The following GHRL variants were observed in gnomAD, a reference collection of about 807,000 sequenced individuals.
The protein encoded by GHRL is appetite-regulating hormone.
GHRL carries 24 observed loss-of-function variants against 16.9 expected under a neutral mutation model. That is an observed-to-expected ratio of 1.42 (90% CI 1.03 to 2.00). GHRL has a LOEUF of 2.00. GHRL is among the 30% of genes most tolerant of loss of function. GHRL has a pLI of 0.00. For synonymous variants in GHRL, 63 were observed against 58.2 expected, an observed-to-expected ratio of 1.08 and a Z score of -0.37; for missense variants, 193 against 142.1, an observed-to-expected ratio of 1.36 and a Z score of -1.82.
rs1341694656 is a variant in GHRL, at chr3:10,285,914, G to T, written c.335-20C>A. The T allele has an allele frequency of 1.2e-6, 2 of 1,610,954 alleles. No individual in the cohort carries two copies. Among genetic ancestry groups the T allele is most frequent in the African/African-American group, 2.7e-5 (2 of 74,872 alleles). On this transcript the variant is annotated intron_variant, in intron 5 of 5. Transcript: ENST00000335542. ...GGGCCTCTGGAAAGCAAGAGGTTGA[G>T]TAAGAATGCTGGGTGCACCGTCCTG...
chr3:10,291,221 T>C lies in GHRL; in HGVS notation c.-535A>G. 1.0e-6 allele frequency: 1 copy of C among 985,544 alleles called. No individual in the cohort carries two copies. The highest frequency in any genetic ancestry group is 1.2e-6 in the Non-Finnish European group (1 of 830,002). The allele number at this position is 985,544 out of a possible 1,614,324, so 61.0% of individuals were successfully genotyped here. The stretch of plus-strand genomic sequence containing the variant: ...GAGCCAGGCTGGTGATTCTACACCT[T>C]CCCGAGGAGGAGTCCCACCTCCCGG... On this transcript the variant is annotated 5_prime_UTR_variant, in exon 2 of 6. Transcript: ENST00000335542.
chr3:10,290,251 A>T (rs1035181985), intron 2 of GHRL, 42 bp from the exon 3 acceptor site: 2 of 1,555,314 alleles, frequency 1.3e-6, no homozygotes, highest in Admixed American at 2.0e-5. Context: ...TCCCCTTCTC[A>T]TGTGCCTCTG....
chr3:10,289,693 C>A, intron 4 of GHRL, 69 bp downstream of exon 4: 1 of 957,978 alleles, frequency 1.0e-6, no homozygotes. Flanking sequence ...CCACCTCTCC[C>A]TGCCCTCCCT....
rs201150528 is a variant in GHRL, at chr3:10,289,884, A to G, written c.109-6T>C. 1.1e-4 allele frequency: 178 copies of G among 1,602,690 alleles called. No individual in the cohort carries two copies. Among genetic ancestry groups the G allele is most frequent in the African/African-American group, 2.0e-4 (15 of 74,772 alleles). ...TTCTTCGACTCCTTTCTCTGCTGGA[A>G]GGGGGAAACAGTCTGTTTAGGACTC... is the stretch of plus-strand genomic sequence containing the variant. On this transcript the variant is annotated splice_polypyrimidine_tract_variant and splice_region_variant and intron_variant, in intron 3 of 5. Coordinates refer to ENST00000335542, the MANE Select transcript of GHRL (RefSeq NM_016362.5).
chr3:10,290,251 A>G (rs1035181985), intron 2 of GHRL, 42 bp from the exon 3 acceptor site: 3 of 1,555,314 alleles, frequency 1.9e-6, no homozygotes. Flanking sequence ...TCCCCTTCTC[A>G]TGTGCCTCTG....
chr3:10,288,800 G>A (rs1316341985), intron 4 of GHRL, among the ~76,000 whole-genome samples: 1 of 152,234 alleles, frequency 6.6e-6, no homozygotes, highest in Non-Finnish European at 1.5e-5. Flanking sequence ...CTGGGCCACT[G>A]TGCGCTGTCT....
In GHRL at chr3:10,286,703, C is replaced by T. The variant is rs754352932; in HGVS notation, c.334+1G>A. 2 of 1,550,542 alleles carry T rather than the reference C, an allele frequency of 1.3e-6. No homozygotes were observed. The highest frequency in any genetic ancestry group is 1.4e-5 in the African/African-American group (1 of 73,856). The stretch of plus-strand genomic sequence containing the variant: ...GCAAACCCAGTCCAGGCAGGACTCA[C>T]CTTTGGCCTCTTCCCAGAGGATGTC... On this transcript the variant is annotated splice_donor_variant, in intron 5 of 5. Coordinates refer to ENST00000335542, the MANE Select transcript of GHRL (RefSeq NM_016362.5). LOFTEE classifies it high-confidence loss of function.
chr3:10,287,764 G>T (rs1168060131), intron 4 of GHRL, among the ~76,000 whole-genome samples: 1 of 152,158 alleles, frequency 6.6e-6, no homozygotes, highest in African/African-American at 2.4e-5. Context: ...GTGCCTCCCT[G>T]TGGGGTAGGC....
chr3:10,285,919 A>G (rs756321970), intron 5 of GHRL, 25 bp from the exon 6 acceptor site: 1 of 1,609,696 alleles, frequency 6.2e-7, no homozygotes, highest in South Asian at 1.1e-5. Context: ...GTTGAGTAAG[A>G]ATGCTGGGTG....
Position 10,289,809 on chromosome 3 carries a change from C to G in GHRL, c.178G>C (p.Glu60Gln). 6.2e-7 allele frequency: 1 copy of G among 1,613,802 alleles called. No individual in the cohort carries two copies. The highest frequency in any genetic ancestry group is 8.5e-7 in the Non-Finnish European group (1 of 1,179,866). ...GCCCCTTCTGCTTGACCTCCATCTT[C>G]CGGGCGGAGCCAGCCTGCTAGAGCT... Reference protein sequence around the residue: ...PRALAGWLRPEDGGQAEGAED... With the variant: ...PRALAGWLRPQDGGQAEGAED... The change falls in exon 4 of 6, where the codon GAA (glutamate) becomes CAA (glutamine). Residue 60 changes from glutamate to glutamine, a missense_variant. Transcript: ENST00000335542.
At position 10,290,842 on chromosome 3, in the gene GHRL, C is replaced by T; in HGVS notation, c.-156G>A. 1.0e-6 allele frequency: 1 copy of T among 986,142 alleles called. No individual in the cohort carries two copies. Among genetic ancestry groups the T allele is most frequent in the Non-Finnish European group, 1.2e-6 (1 of 830,450 alleles). 61.1% of individuals were successfully genotyped at this position (986,142 alleles called of 1,614,324 possible). A position where few individuals can be genotyped will look rare whatever the true frequency, so the allele number is the denominator to read the frequency against. On this transcript the variant is annotated 5_prime_UTR_variant, in exon 2 of 6. Transcript: ENST00000335542. ...GCTTCCGTGGGGCTGATGTACATTC[C>T]TTGGGAACTAAAAATGTTCTTGTCC...
At chr3:10,286,843 A>G (rs2125195314) in intron 4 of GHRL, 31 bp from the exon 5 acceptor site, 1 of 1,297,310 alleles carries the variant, frequency 7.7e-7, no homozygotes, top group African/African-American at 1.4e-5. Flanking sequence ...GACCCAGGAG[A>G]TGTCAGAGGT....
rs939108476 is a variant in GHRL, at chr3:10,285,722, A to G, written c.*153T>C. 2 of 609,026 alleles carry G rather than the reference A, an allele frequency of 3.3e-6. No homozygotes were observed. Among genetic ancestry groups the G allele is most frequent in the Non-Finnish European group, 6.0e-6 (2 of 332,062 alleles). The allele number at this position is 609,026 out of a possible 1,614,324, so 37.7% of individuals were successfully genotyped here. On this transcript the variant is annotated 3_prime_UTR_variant, in exon 6 of 6. Coordinates refer to ENST00000335542, the MANE Select transcript of GHRL (RefSeq NM_016362.5). ...GTAAAATATTAACTTTTCCTCTTTG[A>G]AATAAATTCCCATTTGGAACATCAG...
chr3:10,290,939 G>A lies in GHRL; in HGVS notation c.-253C>T, dbSNP rs1199138643. 5.1e-6 allele frequency: 5 copies of A among 985,726 alleles called. No homozygotes were observed. The highest frequency in any genetic ancestry group is 1.2e-4 in the Admixed American group (2 of 16,296). 61.1% of individuals were successfully genotyped at this position (985,726 alleles called of 1,614,324 possible). On this transcript the variant is annotated 5_prime_UTR_variant, in exon 2 of 6. Coordinates refer to ENST00000335542, the MANE Select transcript of GHRL (RefSeq NM_016362.5). ...TGGGTTGGCGAGGGAAGAAGCATGT[G>A]CTCCAGCTGTCCCTGGAACACGGTG...
intron 4 of GHRL, 162 bp from the exon 5 acceptor site, chr3:10,286,974 TC>T (rs1699180180): frequency 1.8e-6 from 1 of 570,838 alleles, no homozygotes; most frequent in Admixed American, 3.1e-5. Context: ...CAGGTTCTCT[TC>T]CTTTCTCAGG....
Position 10,290,156 on chromosome 3 carries a change from T to G in GHRL, c.25A>C (p.Ser9Arg), listed in dbSNP as rs760559023. ...CAGAGCATGCCGAGGAGCAGGAGGC[T>G]GCAGACGGTCCCTGGGGAGGGCATG... is the stretch of plus-strand genomic sequence containing the variant. MPSPGTVCSLLLLGMLWLD... is the reference protein window; with the variant it reads MPSPGTVCRLLLLGMLWLD... The change falls in exon 3 of 6, where the codon AGC (serine) becomes CGC (arginine). Residue 9 changes from serine to arginine, a missense_variant. Ser to Arg is a moderately radical substitution (Grantham distance 110, BLOSUM62 -1). Transcript: ENST00000335542. 3.1e-6 allele frequency: 5 copies of G among 1,612,682 alleles called. No individual in the cohort carries two copies. In the South Asian group the frequency reaches 5.5e-5, roughly 18 times the overall value.
rs983009638 is a variant in GHRL at position 10,292,739 on chromosome 3, C to A, written c.-766+103G>T. On this transcript the variant is annotated intron_variant, in intron 1 of 5. Transcript: ENST00000335542. ...GTCTGTAGTCCTCAGAGAAGACTTGCAGCTTTTTCAGAGCCACCAACCCAT... is the reference window on the plus strand; with the variant it reads ...GTCTGTAGTCCTCAGAGAAGACTTGAAGCTTTTTCAGAGCCACCAACCCAT... 8 of 709,222 alleles carry A rather than the reference C, an allele frequency of 1.1e-5. No individual in the cohort carries two copies. In the East Asian group the frequency reaches 2.2e-4, roughly 20 times the overall value. The allele number at this position is 709,222 out of a possible 1,614,324, so 43.9% of individuals were successfully genotyped here. A position where few individuals can be genotyped will look rare whatever the true frequency, so the allele number is the denominator to read the frequency against.
In GHRL at chr3:10,291,048, G is replaced by A. The variant is rs1442267559; in HGVS notation, c.-362C>T. ...GGGGTCTGGGTGCAGCTTTGTTGCT[G>A]TGTGACCTTAGCTTACTCGCCCTTT... is the stretch of plus-strand genomic sequence containing the variant. On this transcript the variant is annotated 5_prime_UTR_variant, in exon 2 of 6. Coordinates refer to ENST00000335542, the MANE Select transcript of GHRL (RefSeq NM_016362.5). 2.0e-6 allele frequency: 2 copies of A among 985,664 alleles called. No individual in the cohort carries two copies. Among genetic ancestry groups the A allele is most frequent in the Non-Finnish European group, 2.4e-6 (2 of 830,062 alleles). 61.1% of individuals were successfully genotyped at this position (985,664 alleles called of 1,614,324 possible). A position where few individuals can be genotyped will look rare whatever the true frequency, so the allele number is the denominator to read the frequency against.
rs1014945166 is a variant in GHRL, at chr3:10,290,175, G to A, written c.6C>T (p.Pro2=). M[P]SPGTVCSLLL... The stretch of plus-strand genomic sequence containing the variant: ...GGAGGCTGCAGACGGTCCCTGGGGA[G>A]GGCATGGCCTCAGCTGGGTTGCAGA... The change falls in exon 3 of 6, where the codon CCC becomes CCT. Residue 2 remains proline, a synonymous_variant. Transcript: ENST00000335542. The A allele has an allele frequency of 1.9e-6, 3 of 1,610,924 alleles. No individual in the cohort carries two copies. Among genetic ancestry groups the A allele is most frequent in the Non-Finnish European group, 2.5e-6 (3 of 1,179,390 alleles).
Sources: allele counts gnomAD v4.1 joint callset (sites outside exome capture counted in the v4.1 genomes callset), GRCh38; gene constraint gnomAD v4.1.1; transcripts MANE v1.5; gene names NCBI Gene and HGNC (gene_info 2026-07-23, HGNC 2026-07-21).